PLEKHG1: variants seen among roughly 807,000 people sequenced by gnomAD.
PLEKHG1 encodes pleckstrin homology and RhoGEF domain containing G1, also known as pleckstrin homology domain-containing family G member 1.
A neutral mutation model predicts 100.8 loss-of-function variants in PLEKHG1; 44 were observed. The ratio of observed to expected loss-of-function variants is 0.44; its 90% CI spans 0.34 to 0.56. PLEKHG1 has a LOEUF of 0.56. Among genes scored for constraint, PLEKHG1 ranks in the 20% least tolerant of loss-of-function variants. The pLI, the probability that PLEKHG1 is intolerant of heterozygous loss-of-function variation, is 0.01. For missense variants in PLEKHG1, 1,545 were observed against 1,720.9 expected (o/e 0.90, Z 1.81); for synonymous variants, 640 against 662.5 (o/e 0.97, Z 0.52).
exon 16 of PLEKHG1, chr6:150,840,713 T>G (rs752007992): frequency 6.2e-7 from 1 of 1,614,208 alleles, no homozygotes; most frequent in Non-Finnish European, 8.5e-7. Context: ...ATTCTTTGAA[T>G]AGTCCGCGCA....
chr6:150,832,239 G>C (rs1254807019), intron 15 of PLEKHG1, 34 bp downstream of exon 16: 12 of 1,512,540 alleles, frequency 7.9e-6, no homozygotes, highest in Non-Finnish European at 1.1e-5. Flanking sequence ...CTTCTCCAAA[G>C]TAAGAGGGGA....
chr6:150,717,630 T>C (rs993552129), upstream of PLEKHG1, among the ~76,000 whole-genome samples: 3 of 152,134 alleles, frequency 2.0e-5, no homozygotes, highest in African/African-American at 7.2e-5. Context: ...GATTCCCCAC[T>C]CCAGGTGGGG....
chr6:150,711,664 A>G (rs1160303632), intron 3 of PLEKHG1, among the ~76,000 whole-genome samples: 1 of 152,140 alleles, frequency 6.6e-6, no homozygotes, highest in Non-Finnish European at 1.5e-5. Context: ...TAGTCCATGC[A>G]GCTCCCCCTA....
At position 150,733,983 on chromosome 6, in the gene PLEKHG1, C is replaced by A. The variant is rs200045272; in HGVS notation, c.302C>A (p.Thr101Lys). The change falls in exon 2 of 16, where the codon ACG becomes AAG. Residue 101 changes from threonine to lysine, a missense_variant. Coordinates refer to ENST00000358517, the Ensembl canonical transcript of PLEKHG1. Reference sequence around the variant, plus strand: ...GTGGACTCAAACGGGGCACCCAAGACGATCGCAGACTCGGCCACGAGCCCC... The same window carrying A: ...GTGGACTCAAACGGGGCACCCAAGAAGATCGCAGACTCGGCCACGAGCCCC... The A allele has an allele frequency of 1.5e-4, 242 of 1,614,156 alleles. No individual in the cohort carries two copies. The highest frequency in any genetic ancestry group is 1.9e-4 in the Non-Finnish European group (226 of 1,180,028).
At chr6:150,739,524 T>C (rs1209846577) in intron 2 of PLEKHG1, among the ~76,000 whole-genome samples, 2 of 151,802 alleles carry the variant, frequency 1.3e-5, no homozygotes, top group Non-Finnish European at 2.9e-5. Context: ...AAAAATTAGC[T>C]GGGTATGGTG....
exon 2 of PLEKHG1, chr6:150,734,090 G>C: frequency 6.2e-7 from 1 of 1,603,554 alleles, no homozygotes; most frequent in Non-Finnish European, 8.5e-7. Flanking sequence ...AAGCATCGTA[G>C]AGGTAAGACC....
chr6:150,726,837 A>G (rs972977827), intron 1 of PLEKHG1, among the ~76,000 whole-genome samples: 3 of 152,226 alleles, frequency 2.0e-5, no homozygotes, highest in Non-Finnish European at 2.9e-5. Flanking sequence ...GTGAAAATCC[A>G]TATTGCTGTG....
At chr6:150,641,896 A>G (rs1280452427) in intron 2 of PLEKHG1, among the ~76,000 whole-genome samples, 1 of 150,996 alleles carries the variant, frequency 6.6e-6, no homozygotes, top group African/African-American at 2.4e-5. Context: ...AAAAAAAAAA[A>G]AAAGCAAAAG....
intron 1 of PLEKHG1, among the ~76,000 whole-genome samples, chr6:150,606,754 T>C (rs1776617350): frequency 6.6e-6 from 1 of 152,196 alleles, no homozygotes. Flanking sequence ...TAATCAAGTA[T>C]GCATTCATGC....
At chr6:150,769,569 A>G (rs148645263) in intron 3 of PLEKHG1, among the ~76,000 whole-genome samples, 1 of 140,178 alleles carries the variant, frequency 7.1e-6, no homozygotes, top group Non-Finnish European at 1.5e-5. Flanking sequence ...AGGGTGACAG[A>G]GCAAGACTCC....
chr6:150,730,888 G>A (rs952554900), intron 1 of PLEKHG1, among the ~76,000 whole-genome samples: 3 of 147,680 alleles, frequency 2.0e-5, no homozygotes, highest in Non-Finnish European at 3.0e-5. Flanking sequence ...GGTGACAAGA[G>A]CAAACTCTGT....
At chr6:150,679,010 A>G (rs922789568) in intron 3 of PLEKHG1, among the ~76,000 whole-genome samples, 1 of 152,234 alleles carries the variant, frequency 6.6e-6, no homozygotes, top group Non-Finnish European at 1.5e-5. Context: ...TAAGTAATAA[A>G]TCTCTGAAAA....
At chr6:150,775,418 T>C (rs1328275469) in intron 3 of PLEKHG1, among the ~76,000 whole-genome samples, 1 of 152,224 alleles carries the variant, frequency 6.6e-6, no homozygotes, top group Non-Finnish European at 1.5e-5. Context: ...AGCTCTCTCC[T>C]TCCCTCAGAA....
intron 2 of PLEKHG1, among the ~76,000 whole-genome samples, chr6:150,641,186 A>C (rs764099863): frequency 6.6e-5 from 10 of 152,218 alleles, no homozygotes; most frequent in Non-Finnish European, 1.3e-4. Context: ...TACTCTGTTC[A>C]TGGAGTTAGA....
chr6:150,790,454 C>G (rs1313438736), intron 4 of PLEKHG1, among the ~76,000 whole-genome samples: 1 of 152,174 alleles, frequency 6.6e-6, no homozygotes, highest in Admixed American at 6.5e-5. Flanking sequence ...AACAGACACT[C>G]ATAACTGTAG....
intron 1 of PLEKHG1, among the ~76,000 whole-genome samples, chr6:150,608,737 A>G (rs1226860864): frequency 2.6e-5 from 4 of 152,256 alleles, no homozygotes; most frequent in Admixed American, 2.0e-4. Context: ...AACTGTGTGC[A>G]TGGAAAAGAT....
intron 1 of PLEKHG1, among the ~76,000 whole-genome samples, chr6:150,624,199 A>G (rs1777418613): frequency 6.6e-6 from 1 of 152,070 alleles, no homozygotes; most frequent in Admixed American, 6.5e-5. Flanking sequence ...CTTTCTCCCA[A>G]TACTGACCTA....
intron 1 of PLEKHG1, among the ~76,000 whole-genome samples, chr6:150,630,418 G>A (rs181320472): frequency 6.6e-6 from 1 of 152,296 alleles, no homozygotes; most frequent in Admixed American, 6.5e-5. Context: ...ATGGTTGAGT[G>A]TCTGCTGAGA....
intron 12 of PLEKHG1, among the ~76,000 whole-genome samples, chr6:150,820,117 G>A (rs1330199077): frequency 6.6e-6 from 1 of 152,062 alleles, no homozygotes; most frequent in Admixed American, 6.6e-5. Context: ...GCTGAGGCAG[G>A]AGAATCGCTT....
Sources: gnomAD v4.1 joint callset for allele counts (sites outside exome capture counted in the v4.1 genomes callset) on GRCh38, gnomAD v4.1.1 for gene constraint, MANE v1.5 for transcripts, NCBI Gene and HGNC (gene_info 2026-07-23, HGNC 2026-07-21) for gene names.